FHIT: variants seen among roughly 807,000 people sequenced by gnomAD.
FHIT encodes the protein fragile histidine triad diadenosine triphosphatase, also known as bis(5'-adenosyl)-triphosphatase.
A neutral mutation model predicts 17.9 loss-of-function variants in FHIT; 19 were observed. The observed-to-expected ratio is 1.06, with a 90% CI of 0.74 to 1.56. The LOEUF (loss-of-function observed/expected upper bound fraction) is 1.56. Ranked by LOEUF, FHIT falls within the 40% of genes most tolerant of loss-of-function variation. The pLI, the probability that FHIT is intolerant of heterozygous loss-of-function variation, is 0.00. For synonymous variants in FHIT, 81 were observed against 69.7 expected, an observed-to-expected ratio of 1.16 and a Z score of -0.81; for missense variants, 248 against 189.2, an observed-to-expected ratio of 1.31 and a Z score of -1.82.
At chr3:60,554,741 A>C (rs73834215) in intron 4 of FHIT, among the ~76,000 whole-genome samples, 2,305 of 152,334 alleles carry the variant, frequency 0.015, 53 homozygotes, top group African/African-American at 0.052. Context: ...TTGAACATTT[A>C]CATTGAACAA....
At chr3:60,178,392 G>A (rs1427140666) in intron 5 of FHIT, among the ~76,000 whole-genome samples, 4 of 152,114 alleles carry the variant, frequency 2.6e-5, no homozygotes, top group Non-Finnish European at 2.9e-5. Flanking sequence ...TTCGAGACCA[G>A]CCTGGCCAAC....
At position 60,057,607 on chromosome 3, in the gene FHIT, G is replaced by T. The variant is rs369602104; in HGVS notation, c.104-43455C>A. ...ATAGATAGTTTTTTGGATAGACGTA[G>T]AAATTGACCTTTGTGGTCTTAATGC... On this transcript the variant is annotated intron_variant, in intron 5 of 9. Coordinates refer to ENST00000492590, the MANE Select transcript of FHIT (RefSeq NM_002012.4). Among the ~76,000 whole-genome samples, 14 of 151,826 alleles carry T rather than the reference G, an allele frequency of 9.2e-5. No individual in the cohort carries two copies. In the East Asian group the frequency reaches 1.7e-3, roughly 19 times the overall value.
chr3:59,970,697 T>A (rs1244772251), intron 7 of FHIT, among the ~76,000 whole-genome samples: 1 of 152,102 alleles, frequency 6.6e-6, no homozygotes, highest in Non-Finnish European at 1.5e-5. Context: ...CTTCTGCTAC[T>A]CATCCTGCCA....
intron 5 of FHIT, among the ~76,000 whole-genome samples, chr3:60,138,274 G>A (rs149421836): frequency 6.2e-4 from 95 of 152,298 alleles, no homozygotes; most frequent in African/African-American, 2.1e-3. Context: ...TACACAACAT[G>A]TGAACCAAGG....
In FHIT at chr3:60,334,768, C is replaced by T. The variant is rs755625003; in HGVS notation, c.103+202092G>A. On this transcript the variant is annotated intron_variant, in intron 5 of 9. Transcript: ENST00000492590. ...CGCCACTGCCCTCCAGACTGGGCGA[C>T]GCCTGGGCGACAGAGAGAGACTCCA... Among the ~76,000 whole-genome samples the T allele has an allele frequency of 1.1e-3, 167 of 152,274 alleles. 3 individuals are homozygous for T. Among genetic ancestry groups the T allele is most frequent in the Middle Eastern group, 3.4e-3 (1 of 294 alleles).
rs375799251 is a variant in FHIT at position 60,011,404 on chromosome 3, G to T, written c.250-4C>A. 3 of 1,613,254 alleles carry T rather than the reference G, an allele frequency of 1.9e-6. No individual in the cohort carries two copies. In the South Asian group the frequency reaches 3.3e-5, roughly 18 times the overall value. ...TCTGTCCGGCTTCGGGGCCATCCTA[G>T]AAGTAGGAAAAAACCAACAGAGGTG... On this transcript the variant is annotated splice_polypyrimidine_tract_variant and splice_region_variant and intron_variant, in intron 6 of 9. Transcript: ENST00000492590.
chr3:60,996,882 C>T (rs907569388), intron 3 of FHIT, among the ~76,000 whole-genome samples: 6 of 152,120 alleles, frequency 3.9e-5, no homozygotes, highest in Non-Finnish European at 5.9e-5. Flanking sequence ...TGGCATATGC[C>T]GTATTTAGTG....
At chr3:61,067,363 T>C (rs2034646479) in intron 2 of FHIT, among the ~76,000 whole-genome samples, 1 of 152,106 alleles carries the variant, frequency 6.6e-6, no homozygotes, top group Non-Finnish European at 1.5e-5. Flanking sequence ...AAAAGGTATA[T>C]AGGAAAGAAT....
chr3:60,534,223 C>G (rs528249758), intron 5 of FHIT, among the ~76,000 whole-genome samples: 2 of 148,572 alleles, frequency 1.3e-5, no homozygotes, highest in Admixed American at 6.7e-5. Context: ...GTCAGGAGAT[C>G]GAGACCATCC....
chr3:60,200,087 G>A (rs997490659), intron 5 of FHIT, among the ~76,000 whole-genome samples: 1 of 152,078 alleles, frequency 6.6e-6, no homozygotes, highest in African/African-American at 2.4e-5. Flanking sequence ...CACACCACGG[G>A]ATAACCAATC....
At chr3:60,248,316 A>G (rs1705509054) in intron 5 of FHIT, among the ~76,000 whole-genome samples, 1 of 152,132 alleles carries the variant, frequency 6.6e-6, no homozygotes, top group Admixed American at 6.6e-5. Context: ...GAACTTTCAT[A>G]TCATTGGGGA....
chr3:60,482,649 A>G (rs2033662109), intron 5 of FHIT, among the ~76,000 whole-genome samples: 1 of 152,180 alleles, frequency 6.6e-6, no homozygotes, highest in African/African-American at 2.4e-5. Flanking sequence ...GAGACAACAT[A>G]TCAGAATCTC....
chr3:60,130,745 G>GGTGT (rs371035618), intron 5 of FHIT, among the ~76,000 whole-genome samples: 12 of 80,330 alleles, frequency 1.5e-4, no homozygotes, highest in African/African-American at 3.8e-4. Flanking sequence ...ACTGAATAGG[G>GGTGT]GTGTGTGTGT....
At chr3:60,308,880 C>G (rs906687987) in intron 5 of FHIT, among the ~76,000 whole-genome samples, 4 of 152,110 alleles carry the variant, frequency 2.6e-5, no homozygotes, top group Admixed American at 2.0e-4. Flanking sequence ...TATTTAATCA[C>G]TAACTGTGAG....
chr3:60,347,043 G>A (rs1009512128), intron 5 of FHIT, among the ~76,000 whole-genome samples: 19 of 145,464 alleles, frequency 1.3e-4, no homozygotes, highest in African/African-American at 4.4e-4. Flanking sequence ...AGATGGAGTT[G>A]CAAATATACT....
chr3:60,495,795 G>C (rs1559492005), intron 5 of FHIT, among the ~76,000 whole-genome samples: 1 of 152,076 alleles, frequency 6.6e-6, no homozygotes, highest in Non-Finnish European at 1.5e-5. Flanking sequence ...AGGAATGCTT[G>C]TCTTTCTAGA....
rs1553712155 is a variant in FHIT at position 60,206,149 on chromosome 3, A to AATAATAATAATAAT, written c.104-191998_104-191997insATTATTATTATTAT. ...CTCCGTCTCAAAAAAAAAAAAAAAT[A>AATAATAATAATAAT]AATAATAATAATAATAATAATAATT... is the stretch of plus-strand genomic sequence containing the variant. On this transcript the variant is annotated intron_variant, in intron 5 of 9. Transcript: ENST00000492590. Among the ~76,000 whole-genome samples the AATAATAATAATAAT allele has an allele frequency of 5.6e-3, 530 of 93,990 alleles. 1 individual carries two copies. The highest frequency in any genetic ancestry group is 0.019 in the Middle Eastern group (4 of 206). The allele number at this position is 93,990 out of a possible 152,430, so 61.7% of individuals were successfully genotyped here.
chr3:60,031,523 G>A (rs1701000174), intron 5 of FHIT, among the ~76,000 whole-genome samples: 1 of 152,106 alleles, frequency 6.6e-6, no homozygotes, highest in Non-Finnish European at 1.5e-5. Context: ...TTAGCCATTT[G>A]ACTCTGGGCA....
intron 5 of FHIT, among the ~76,000 whole-genome samples, chr3:60,345,900 T>C (rs1204576966): frequency 1.3e-5 from 2 of 152,256 alleles, no homozygotes; most frequent in African/African-American, 2.4e-5. Flanking sequence ...AATTTGTATT[T>C]AAGCTAACAT....
Sources: allele counts gnomAD v4.1 joint callset (sites outside exome capture counted in the v4.1 genomes callset), GRCh38; gene constraint gnomAD v4.1.1; transcripts MANE v1.5; gene names NCBI Gene and HGNC (gene_info 2026-07-23, HGNC 2026-07-21).